Variants in ZDHHC15 observed in about 807,000 individuals in gnomAD.
ZDHHC15 encodes the protein palmitoyltransferase ZDHHC15.
In ZDHHC15, 19 loss-of-function variants were observed where a neutral mutation model predicts 31.7. That is an observed-to-expected ratio of 0.60 (90% CI 0.42 to 0.88). The LOEUF is 0.88. Among genes scored for constraint, ZDHHC15 ranks in the 40% least tolerant of loss-of-function variants. The probability of loss-of-function intolerance (pLI) is 0.00; values close to 1 mark genes in which losing one functional copy is unlikely to be tolerated. For synonymous variants in ZDHHC15, 103 were observed against 90.0 expected (o/e 1.14, Z -0.82); for missense variants, 209 against 251.2 (o/e 0.83, Z 1.14).
At chrX:75,508,566 G>T (rs1417228014) in intron 1 of ZDHHC15, among the ~76,000 whole-genome samples, 1 of 109,471 alleles carries the variant, frequency 9.1e-6, no homozygotes, top group African/African-American at 3.3e-5. Context: ...ATTTAGGTTG[G>T]TTGCAAGTCT....
chrX:75,412,331 C>T (rs1270759059), intron 10 of ZDHHC15, among the ~76,000 whole-genome samples: 3 of 111,876 alleles, frequency 2.7e-5, no homozygotes, highest in Non-Finnish European at 5.6e-5. Flanking sequence ...CCCATGTTTA[C>T]CACAGAATTA....
chrX:75,402,000 C>A (rs980926322), intron 10 of ZDHHC15, among the ~76,000 whole-genome samples: 214 of 112,285 alleles, frequency 1.9e-3, no homozygotes, highest in Non-Finnish European at 4.3e-4. Context: ...ATAAAACAAT[C>A]CTCAACAAAA....
chrX:75,457,139 T>G (rs982701808), intron 3 of ZDHHC15, among the ~76,000 whole-genome samples: 3 of 111,893 alleles, frequency 2.7e-5, no homozygotes, highest in African/African-American at 9.7e-5. Flanking sequence ...TTTTTAATTT[T>G]AACTCTTCTA....
chrX:75,509,104 G>T (rs889305767), intron 1 of ZDHHC15, among the ~76,000 whole-genome samples: 6 of 111,028 alleles, frequency 5.4e-5, no homozygotes, highest in Admixed American at 9.7e-5. Flanking sequence ...CAGGACATAG[G>T]CATGGGCAAG....
chrX:75,393,166 A>G (rs1031484791), intron 10 of ZDHHC15, among the ~76,000 whole-genome samples: 2 of 111,388 alleles, frequency 1.8e-5, no homozygotes, highest in Non-Finnish European at 3.8e-5. Flanking sequence ...CAATCACCCC[A>G]GACAACACTG....
intron 10 of ZDHHC15, 23 bp from the exon 11 acceptor site, chrX:75,379,221 T>C (rs749632182): frequency 6.6e-6 from 8 of 1,208,761 alleles, no homozygotes; most frequent in Non-Finnish European, 7.8e-6. Context: ...AACGTGAAGA[T>C]GATCAAATGT....
At chrX:75,509,368 T>C (rs2085222461) in intron 1 of ZDHHC15, among the ~76,000 whole-genome samples, 1 of 111,958 alleles carries the variant, frequency 8.9e-6, no homozygotes, top group Admixed American at 9.5e-5. Flanking sequence ...TTTGGAATGC[T>C]GGTGTATATT....
At chrX:75,401,768 C>T (rs757972844) in intron 10 of ZDHHC15, among the ~76,000 whole-genome samples, 1 of 112,004 alleles carries the variant, frequency 8.9e-6, no homozygotes, top group African/African-American at 3.2e-5. Flanking sequence ...TACAAAGAGA[C>T]AGAGTCCCAC....
chrX:75,457,210 T>C (rs1163478071), intron 3 of ZDHHC15, among the ~76,000 whole-genome samples: 1 of 111,591 alleles, frequency 9.0e-6, no homozygotes, highest in Non-Finnish European at 1.9e-5. Context: ...CATCTTATTG[T>C]GATTTTATTT....
chrX:75,484,609 C>A lies in ZDHHC15; in HGVS notation c.164-5624G>T, dbSNP rs960456214. Among the ~76,000 whole-genome samples, 116 of 111,713 alleles carry A rather than the reference C, an allele frequency of 1.0e-3. 1 individual carries two copies. Among genetic ancestry groups the A allele is most frequent in the African/African-American group, 3.6e-3 (112 of 30,842 alleles). ...TGGAATAAGGAGAACTCTCATATAT[C>A]AATTATAGGAAAGCAAAATGGTAGA... is the stretch of plus-strand genomic sequence containing the variant. On this transcript the variant is annotated intron_variant, in intron 2 of 11. Transcript: ENST00000373367.
intron 10 of ZDHHC15, among the ~76,000 whole-genome samples, chrX:75,404,639 C>T (rs1267976950): frequency 8.9e-6 from 1 of 112,094 alleles, no homozygotes; most frequent in Non-Finnish European, 1.9e-5. Context: ...CTCAATATCA[C>T]TGATCATTAG....
chrX:75,415,408 G>C lies in ZDHHC15; in HGVS notation c.967+1679C>G, dbSNP rs140988466. Among the ~76,000 whole-genome samples the C allele has an allele frequency of 2.6e-3, 287 of 111,667 alleles. 1 individual carries two copies. The highest frequency in any genetic ancestry group is 8.9e-3 in the African/African-American group (274 of 30,756). On this transcript the variant is annotated intron_variant, in intron 10 of 11. Coordinates refer to ENST00000373367, the MANE Select transcript of ZDHHC15 (RefSeq NM_144969.3). Reference sequence around the variant, plus strand: ...CCTCAGCTATCTAAGATGGCATAGTGGTCTTGCTAAAGCTAAAGGCACCTT... The same window carrying C: ...CCTCAGCTATCTAAGATGGCATAGTCGTCTTGCTAAAGCTAAAGGCACCTT...
At chrX:75,398,915 C>T (rs1269906814) in intron 10 of ZDHHC15, among the ~76,000 whole-genome samples, 1 of 110,949 alleles carries the variant, frequency 9.0e-6, no homozygotes, top group African/African-American at 3.3e-5. Context: ...TCTTCACTGG[C>T]CGGGACCTCC....
chrX:75,513,371 A>T (rs1200918069), intron 1 of ZDHHC15, among the ~76,000 whole-genome samples: 1 of 112,113 alleles, frequency 8.9e-6, no homozygotes, highest in Non-Finnish European at 1.9e-5. Context: ...CTCAAAAGCA[A>T]CTAATGAGCT....
intron 3 of ZDHHC15, among the ~76,000 whole-genome samples, chrX:75,460,030 G>A (rs916789424): frequency 2.7e-5 from 3 of 111,963 alleles, no homozygotes; most frequent in South Asian, 3.7e-4. Flanking sequence ...CATGGGCCAC[G>A]ATACCTGGCT....
chrX:75,377,107 T>G (rs1039577679), intron 11 of ZDHHC15, among the ~76,000 whole-genome samples: 1 of 111,927 alleles, frequency 8.9e-6, no homozygotes, highest in African/African-American at 3.2e-5. Flanking sequence ...AATATCACTG[T>G]AGTAATTATC....
intron 10 of ZDHHC15, among the ~76,000 whole-genome samples, chrX:75,389,596 C>A (rs1315317641): frequency 9.1e-6 from 1 of 110,481 alleles, no homozygotes; most frequent in East Asian, 2.9e-4. Context: ...CATTACTAGA[C>A]ACACCCTGTG....
At chrX:75,388,919 G>A (rs748108377) in intron 10 of ZDHHC15, among the ~76,000 whole-genome samples, 3 of 111,722 alleles carry the variant, frequency 2.7e-5, no homozygotes, top group Non-Finnish European at 5.6e-5. Context: ...CACAGTACCT[G>A]GTTTCAACAT....
chrX:75,439,888 C>A (rs1281245814), intron 4 of ZDHHC15, among the ~76,000 whole-genome samples: 1 of 111,595 alleles, frequency 9.0e-6, no homozygotes, highest in Non-Finnish European at 1.9e-5. Flanking sequence ...CCCCATTTTT[C>A]TAAGGATGGG....
Sources: gnomAD v4.1 joint callset for allele counts (sites outside exome capture counted in the v4.1 genomes callset) on GRCh38, gnomAD v4.1.1 for gene constraint, MANE v1.5 for transcripts, NCBI Gene and HGNC (gene_info 2026-07-23, HGNC 2026-07-21) for gene names.